The following ZDHHC14 variants were observed in gnomAD, a reference collection of about 807,000 sequenced individuals.
ZDHHC14 encodes the protein palmitoyltransferase ZDHHC14.
A neutral mutation model predicts 47.7 loss-of-function variants in ZDHHC14; 16 were observed. The observed-to-expected ratio is 0.34, with a 90% confidence interval of 0.23 to 0.51. The LOEUF (loss-of-function observed/expected upper bound fraction) is 0.51. ZDHHC14 is among the 20% of genes least tolerant of loss of function. The pLI, the probability that ZDHHC14 is intolerant of heterozygous loss-of-function variation, is 0.97. For missense variants in ZDHHC14, 515 were observed against 662.5 expected, an observed-to-expected ratio of 0.78 and a Z score of 2.44; for synonymous variants, 293 against 278.9, an observed-to-expected ratio of 1.05 and a Z score of -0.50.
chr6:157,408,164 G>A (rs547005069), intron 1 of ZDHHC14, among the ~76,000 whole-genome samples: 10 of 152,224 alleles, frequency 6.6e-5, no homozygotes, highest in African/African-American at 1.7e-4. Context: ...AATAGAAACC[G>A]CCCAAATAAC....
intron 1 of ZDHHC14, among the ~76,000 whole-genome samples, chr6:157,398,802 A>G (rs1777572724): frequency 6.6e-6 from 1 of 152,226 alleles, no homozygotes; most frequent in African/African-American, 2.4e-5. Context: ...TGTCGTTATA[A>G]TGACTCCTCT....
In ZDHHC14 at chr6:157,519,528, C is replaced by T. The variant is rs371214023; in HGVS notation, c.246-23057C>T. Among the ~76,000 whole-genome samples, 26 of 152,234 alleles carry T rather than the reference C, an allele frequency of 1.7e-4. No individual in the cohort carries two copies. In the South Asian group the frequency reaches 1.9e-3, roughly 11 times the overall value. On this transcript the variant is annotated intron_variant, in intron 1 of 8. Transcript: ENST00000359775. Reference sequence around the variant, plus strand: ...ATGAGATACTTTTTCTAAAAGGTGCCGTCTTGGTTGTTCATAGAAACATTA... The same window carrying T: ...ATGAGATACTTTTTCTAAAAGGTGCTGTCTTGGTTGTTCATAGAAACATTA...
At chr6:157,617,180 A>C (rs1461891050) in intron 3 of ZDHHC14, among the ~76,000 whole-genome samples, 1 of 152,166 alleles carries the variant, frequency 6.6e-6, no homozygotes, top group African/African-American at 2.4e-5. Flanking sequence ...TCTTTTTATT[A>C]CCAGATGAGA....
chr6:157,449,997 T>C (rs1456892142), intron 1 of ZDHHC14, among the ~76,000 whole-genome samples: 1 of 152,198 alleles, frequency 6.6e-6, no homozygotes, highest in Non-Finnish European at 1.5e-5. Flanking sequence ...CCTCATAGGG[T>C]TGTTCTGAGG....
intron 1 of ZDHHC14, among the ~76,000 whole-genome samples, chr6:157,452,246 A>AT (rs35501167): frequency 0.29 from 43,186 of 149,846 alleles, 6,807 homozygotes; most frequent in East Asian, 0.61. Flanking sequence ...AGTACCTAGT[A>AT]TTTTTTTTTT....
At chr6:157,537,831 CCATACTGTGCA>C (rs1781596288) in intron 1 of ZDHHC14, among the ~76,000 whole-genome samples, 1 of 152,172 alleles carries the variant, frequency 6.6e-6, no homozygotes, top group African/African-American at 2.4e-5. Context: ...TAAGAATTTG[CCATACTGTGCA>C]CAGTGCTTCC....
chr6:157,400,230 G>T (rs545991139), intron 1 of ZDHHC14, among the ~76,000 whole-genome samples: 168 of 152,286 alleles, frequency 1.1e-3, no homozygotes, highest in Non-Finnish European at 8.4e-4. Context: ...CACACCACCA[G>T]CCACAGCTCT....
chr6:157,558,782 G>GT (rs1404414789), intron 2 of ZDHHC14, among the ~76,000 whole-genome samples: 1 of 133,774 alleles, frequency 7.5e-6, no homozygotes, highest in Non-Finnish European at 1.6e-5. Context: ...AACTTTGGTG[G>GT]TAAAAAAAAA....
intron 3 of ZDHHC14, among the ~76,000 whole-genome samples, chr6:157,611,815 G>C (rs1312649670): frequency 6.6e-6 from 1 of 152,094 alleles, no homozygotes; most frequent in East Asian, 1.9e-4. Flanking sequence ...CTTTTTGACC[G>C]GCTCCGTCCC....
intron 1 of ZDHHC14, among the ~76,000 whole-genome samples, chr6:157,420,933 G>T (rs914994336): frequency 6.6e-6 from 1 of 152,152 alleles, no homozygotes; most frequent in Admixed American, 6.5e-5. Flanking sequence ...GCTCAGGGGA[G>T]GGCCTGAGGT....
At chr6:157,592,826 G>A in intron 2 of ZDHHC14, 162 bp from the exon 3 acceptor site, 1 of 1,440,002 alleles carries the variant, frequency 6.9e-7, no homozygotes. Flanking sequence ...GGTCCCAGCG[G>A]AGGGTGAGTC....
chr6:157,503,390 A>G (rs1025458516), intron 1 of ZDHHC14, among the ~76,000 whole-genome samples: 8 of 152,204 alleles, frequency 5.3e-5, no homozygotes. Flanking sequence ...GTCTTTAGAC[A>G]GATTTGGCTT....
Position 157,593,040 on chromosome 6 carries a change from A to G in ZDHHC14, c.459A>G (p.Lys153=), listed in dbSNP as rs1276628420. The G allele has an allele frequency of 6.2e-7, 1 of 1,614,178 alleles. No individual in the cohort carries two copies. Among genetic ancestry groups the G allele is most frequent in the Non-Finnish European group, 8.5e-7 (1 of 1,180,016 alleles). The change falls in exon 3 of 9, where the codon AAA becomes AAG. Residue 153 remains lysine, a synonymous_variant. Transcript: ENST00000359775. ...SGGYRPPPRT[K]EVIINGQTVK... ...GGTACCGCCCGCCTCCCAGAACCAAAGAAGTCATCATCAATGGCCAGACCG... is the reference window on the plus strand; with the variant it reads ...GGTACCGCCCGCCTCCCAGAACCAAGGAAGTCATCATCAATGGCCAGACCG...
At chr6:157,546,153 G>A (rs551709094) in intron 2 of ZDHHC14, among the ~76,000 whole-genome samples, 1 of 152,328 alleles carries the variant, frequency 6.6e-6, no homozygotes, top group African/African-American at 2.4e-5. Flanking sequence ...AGGAAGGGGT[G>A]CAGGCACCTG....
rs140651155 is a variant in ZDHHC14 at position 157,411,439 on chromosome 6, G to T, written c.245+29173G>T. 1.7e-3 allele frequency among the ~76,000 whole-genome samples: 258 copies of T among 152,232 alleles called. 1 individual carries two copies. Among genetic ancestry groups the T allele is most frequent in the African/African-American group, 6.0e-3 (249 of 41,530 alleles). On this transcript the variant is annotated intron_variant, in intron 1 of 8. Coordinates refer to ENST00000359775, the MANE Select transcript of ZDHHC14 (RefSeq NM_024630.3). ...AAGATGTCATATAATTGTGCATAAG[G>T]ATATATCAAATAAACAAATGCATGC...
chr6:157,419,122 C>T (rs1562417789), intron 1 of ZDHHC14, among the ~76,000 whole-genome samples: 3 of 152,146 alleles, frequency 2.0e-5, no homozygotes, highest in Non-Finnish European at 2.9e-5. Flanking sequence ...ATCCCCATGT[C>T]GGCGGAAATG....
At chr6:157,638,225 G>T (rs944483814) in intron 5 of ZDHHC14, among the ~76,000 whole-genome samples, 1 of 152,202 alleles carries the variant, frequency 6.6e-6, no homozygotes, top group African/African-American at 2.4e-5. Flanking sequence ...GATAGGGCAG[G>T]GTGCCCACTG....
intron 1 of ZDHHC14, among the ~76,000 whole-genome samples, chr6:157,486,061 AT>A (rs1291056924): frequency 6.6e-6 from 1 of 152,034 alleles, no homozygotes; most frequent in Non-Finnish European, 1.5e-5. Flanking sequence ...GTTTTTTTCC[AT>A]TTTGCACTTA....
intron 1 of ZDHHC14, among the ~76,000 whole-genome samples, chr6:157,452,601 C>T (rs1778826655): frequency 1.3e-5 from 2 of 151,006 alleles, no homozygotes; most frequent in Admixed American, 6.6e-5. Context: ...ATTTTCTATA[C>T]TGCCAAGGAA....
Sources: allele counts gnomAD v4.1 joint callset (sites outside exome capture counted in the v4.1 genomes callset), GRCh38; gene constraint gnomAD v4.1.1; transcripts MANE v1.5; gene names NCBI Gene and HGNC (gene_info 2026-07-23, HGNC 2026-07-21).